The following TTN variants were observed in gnomAD, a reference collection of about 807,000 sequenced individuals.
The protein encoded by TTN is titin, also known as connectin.
In TTN, 1,525 loss-of-function variants were observed where a neutral mutation model predicts 3,223.0. The ratio of observed to expected loss-of-function variants is 0.47; its 90% CI spans 0.45 to 0.49. TTN has a LOEUF of 0.49. Ranked by LOEUF, TTN falls within the 20% of genes least tolerant of loss-of-function variation. The pLI is 0.00. For missense variants in TTN, 40,786 were observed against 43,424.0 expected (o/e 0.94, Z 5.40); for synonymous variants, 14,094 against 15,161.0 (o/e 0.93, Z 5.17).
At position 178,671,986 on chromosome 2, in the gene TTN, T is replaced by C. The variant is rs1553808816; in HGVS notation, c.35212A>G (p.Lys11738Glu). The change falls in exon 155 of 363, where the codon AAA becomes GAA. Residue 11738 changes from lysine (K) to glutamate (E), a missense_variant. Lys to Glu is a moderately conservative substitution (Grantham distance 56, BLOSUM62 1). Transcript: ENST00000589042. Reference protein sequence around the residue: ...AEEVEVFEKPKAPPKGPEISE... With the variant: ...AEEVEVFEKPEAPPKGPEISE... ...TTCCCTATACCTTTAGGTGGAGCTT[T>C]TGGTTTTTCAAATACTTCCACTTCT... 4 of 1,602,376 alleles carry C rather than the reference T, an allele frequency of 2.5e-6. No individual in the cohort carries two copies. Among genetic ancestry groups the C allele is most frequent in the Non-Finnish European group, 2.5e-6 (3 of 1,176,878 alleles).
In TTN at chr2:178,719,459, G is replaced by C. The variant is rs1009418783; in HGVS notation, c.23939-8C>G. The C allele has an allele frequency of 1.9e-6, 3 of 1,606,472 alleles. No homozygotes were observed. Among genetic ancestry groups the C allele is most frequent in the Non-Finnish European group, 2.6e-6 (3 of 1,175,136 alleles). ...AAGGAGGCACAATCCGATCTATGTG[G>C]GGAAGGGTAGTTTTGCGTTTAAAGA... On this transcript the variant is annotated splice_polypyrimidine_tract_variant and splice_region_variant and intron_variant, in intron 82 of 362. Transcript: ENST00000589042.
chr2:178,638,531 A>G (rs556139832), intron 223 of TTN, among the ~76,000 whole-genome samples: 53 of 150,634 alleles, frequency 3.5e-4, no homozygotes, highest in Admixed American at 2.6e-3. Flanking sequence ...TGCACATCTC[A>G]CTGTGGAATG....
Position 178,543,929 on chromosome 2 carries a change from A to C in TTN, c.96215T>G (p.Val32072Gly). 1 of 1,613,586 alleles carries C rather than the reference A, an allele frequency of 6.2e-7. No individual in the cohort carries two copies. Among genetic ancestry groups the C allele is most frequent in the East Asian group, 2.2e-5 (1 of 44,860 alleles). Residue 32072 changes from valine to glycine, a missense_variant, in exon 346 of 363, where the codon GTG becomes GGG. Coordinates refer to ENST00000589042, the MANE Select transcript of TTN (RefSeq NM_001267550.2). ...AGCATCGTACCGATTAACTTTGTCC[A>C]CTATTAGCAATGAGTAGCTCTCAGT... is the stretch of plus-strand genomic sequence containing the variant. ...DTTESYSLLI[V>G]DKVNRYDAGK...
Position 178,720,423 on chromosome 2 carries a change from A to T in TTN, c.23339T>A (p.Val7780Glu). The T allele has an allele frequency of 6.2e-7, 1 of 1,613,566 alleles. No homozygotes were observed. ...GEYHCKATNE[V>E]GSDTCSCSVK... ...AGAGCAAGAACACGTGTCACTTCCCACCTCATTAGTAGCTTTGCAGTGATA... is the reference window on the plus strand; with the variant it reads ...AGAGCAAGAACACGTGTCACTTCCCTCCTCATTAGTAGCTTTGCAGTGATA... Residue 7780 changes from valine (V) to glutamate (E), a missense_variant, in exon 80 of 363, where the codon GTG (valine) becomes GAG (glutamate). Val to Glu is a moderately radical substitution (Grantham distance 121). Transcript: ENST00000589042.
intron 8 of TTN, among the ~76,000 whole-genome samples, chr2:178,794,044 T>C: frequency 6.6e-6 from 1 of 152,202 alleles, no homozygotes; most frequent in East Asian, 1.9e-4. Flanking sequence ...TTCCCTGAAA[T>C]AGTAGTTTCC....
At chr2:178,787,622 C>T (rs1021345579) in intron 13 of TTN, among the ~76,000 whole-genome samples, 1 of 151,966 alleles carries the variant, frequency 6.6e-6, no homozygotes, top group African/African-American at 2.4e-5. Context: ...TTTATTTTAA[C>T]AATGATAAAA....
chr2:178,685,532 G>C lies in TTN; in HGVS notation c.32378C>G (p.Ala10793Gly), dbSNP rs1023513713. The change falls in exon 128 of 363, where the codon GCT becomes GGT. Residue 10793 changes from alanine to glycine, a missense_variant. Coordinates refer to ENST00000589042, the MANE Select transcript of TTN (RefSeq NM_001267550.2). ...AGTCAGCATACCTTCAGCTGGCTCA[G>C]CTTCCACTCTCTTAGAAATAATGTG... ...KLHIISKRVE[A>G]EPAEVTERQE... 6 of 1,613,120 alleles carry C rather than the reference G, an allele frequency of 3.7e-6. No homozygotes were observed. The highest frequency in any genetic ancestry group is 5.1e-6 in the Non-Finnish European group (6 of 1,179,526).
chr2:178,582,149 C>T lies in TTN; in HGVS notation c.66220G>A (p.Val22074Ile), dbSNP rs1156659564. ...ISNITKDHMT[V>I]SWKPPADDGG... The stretch of plus-strand genomic sequence containing the variant: ...TCATCTGCTGGTGGCTTCCAGCTGA[C>T]TGTCATGTGATCTTTGGTTATGTTG... Residue 22074 changes from valine to isoleucine, a missense_variant, in exon 315 of 363, where the codon GTC becomes ATC. Physicochemically the swap from Val to Ile is conservative, Grantham distance 29 (BLOSUM62 3). Coordinates refer to ENST00000589042, the MANE Select transcript of TTN (RefSeq NM_001267550.2). The T allele has an allele frequency of 3.7e-6, 6 of 1,612,622 alleles. No homozygotes were observed. Among genetic ancestry groups the T allele is most frequent in the Non-Finnish European group, 5.1e-6 (6 of 1,179,524 alleles).
In TTN at chr2:178,669,581, T is replaced by C; in HGVS notation, c.35470+11A>G. On this transcript the variant is annotated intron_variant, in intron 158 of 362. Coordinates refer to ENST00000589042, the MANE Select transcript of TTN (RefSeq NM_001267550.2). The stretch of plus-strand genomic sequence containing the variant: ...GAATTATTTCATGTTCTGATTAGCA[T>C]CACTGTATACCTTTAGCTGGTGGAA... 6.2e-7 allele frequency: 1 copy of C among 1,612,024 alleles called. No individual in the cohort carries two copies. The highest frequency in any genetic ancestry group is 1.1e-5 in the South Asian group (1 of 90,844).
intron 116 of TTN, 58 bp downstream of exon 116, chr2:178,694,771 A>G (rs1240126621): frequency 3.4e-6 from 5 of 1,490,628 alleles, no homozygotes; most frequent in Non-Finnish European, 3.7e-6. Context: ...TAATGTGAGT[A>G]TAGATCAGTA....
In TTN at chr2:178,630,377, C is replaced by G. The variant is rs1044877599; in HGVS notation, c.44155-10G>C. ...CCTTAATTTCACAATCCTGTACCAA[C>G]AAAACAGAAAAACTTTCATAGAAAA... is the stretch of plus-strand genomic sequence containing the variant. On this transcript the variant is annotated splice_polypyrimidine_tract_variant and intron_variant, in intron 238 of 362. Coordinates refer to ENST00000589042, the MANE Select transcript of TTN (RefSeq NM_001267550.2). The G allele has an allele frequency of 6.3e-7, 1 of 1,588,332 alleles. No individual in the cohort carries two copies. The highest frequency in any genetic ancestry group is 8.5e-7 in the Non-Finnish European group (1 of 1,173,122).
In TTN at chr2:178,558,642, G is replaced by A. The variant is rs762977562; in HGVS notation, c.86822-5C>T. The A allele has an allele frequency of 6.2e-7, 1 of 1,608,788 alleles. No homozygotes were observed. Among genetic ancestry groups the A allele is most frequent in the Non-Finnish European group, 8.5e-7 (1 of 1,178,998 alleles). On this transcript the variant is annotated splice_polypyrimidine_tract_variant and splice_region_variant and intron_variant, in intron 326 of 362. Coordinates refer to ENST00000589042, the MANE Select transcript of TTN (RefSeq NM_001267550.2). Reference sequence around the variant, plus strand: ...TTTCAGGTGGGCTTGGTTTTTCTAAGAAAACAAAGCATCAAAAGAAAGTGA... The same window carrying A: ...TTTCAGGTGGGCTTGGTTTTTCTAAAAAAACAAAGCATCAAAAGAAAGTGA...
rs1171508892 is a variant in TTN, at chr2:178,775,191, T to C, written c.6520A>G (p.Ile2174Val). The C allele has an allele frequency of 1.2e-6, 2 of 1,613,932 alleles. No homozygotes were observed. The highest frequency in any genetic ancestry group is 1.7e-5 in the Admixed American group (1 of 60,002). The change falls in exon 29 of 363, where the codon ATC (isoleucine) becomes GTC (valine). Residue 2174 changes from isoleucine (I) to valine (V), a missense_variant. Physicochemically the swap from Ile to Val is conservative, Grantham distance 29. Transcript: ENST00000589042. ...TCTTGTAATTCCTGTGTGAAAGTGA[T>C]CAATTGCTTGGCTACAAGAAAAAGG... is the stretch of plus-strand genomic sequence containing the variant. The part of the protein sequence containing the change: ...AFLLVQAKQL[I>V]TFTQELQDVV...
intron 219 of TTN, 144 bp downstream of exon 219, chr2:178,642,093 T>G: frequency 1.7e-6 from 1 of 597,208 alleles, no homozygotes; most frequent in East Asian, 3.3e-5. Context: ...GACATTTTTC[T>G]TAATTTTCAA....
At position 178,642,326 on chromosome 2, in the gene TTN, A is replaced by T. The variant is rs2061349402; in HGVS notation, c.40478-9T>A. 1 of 1,572,732 alleles carries T rather than the reference A, an allele frequency of 6.4e-7. No individual in the cohort carries two copies. The highest frequency in any genetic ancestry group is 1.4e-5 in the African/African-American group (1 of 73,768). On this transcript the variant is annotated splice_polypyrimidine_tract_variant and intron_variant, in intron 218 of 362. Coordinates refer to ENST00000589042, the MANE Select transcript of TTN (RefSeq NM_001267550.2). The stretch of plus-strand genomic sequence containing the variant: ...CTTTTCACCTCCAGGCACTTAAAAG[A>T]ATATGATTTCAAATTTTGAAGTGAA...
In TTN at chr2:178,790,040, C is replaced by T. The variant is rs765132835; in HGVS notation, c.1876G>A (p.Val626Ile). The change falls in exon 12 of 363, where the codon GTA (valine) becomes ATA (isoleucine). Residue 626 changes from valine to isoleucine, a missense_variant. Val to Ile is a conservative substitution (Grantham distance 29, BLOSUM62 3). Coordinates refer to ENST00000589042, the MANE Select transcript of TTN (RefSeq NM_001267550.2). ...ATPKVKEQDLVSRGREGITTK... is the reference protein window; with the variant it reads ...ATPKVKEQDLISRGREGITTK... Reference sequence around the variant, plus strand: ...GTAATGCCTTCTCTACCTCTTGATACTAAATCTTGTTCTTTGACTTTGGGT... The same window carrying T: ...GTAATGCCTTCTCTACCTCTTGATATTAAATCTTGTTCTTTGACTTTGGGT... 1 of 1,613,260 alleles carries T rather than the reference C, an allele frequency of 6.2e-7. No homozygotes were observed. The highest frequency in any genetic ancestry group is 1.1e-5 in the South Asian group (1 of 91,076).
At chr2:178,671,424 G>C (rs1056236377) in intron 155 of TTN, among the ~76,000 whole-genome samples, 4 of 151,614 alleles carry the variant, frequency 2.6e-5, no homozygotes, top group African/African-American at 9.7e-5. Context: ...GATCTAGAGT[G>C]GTATTGCAGA....
Position 178,565,649 on chromosome 2 carries a change from C to T in TTN, c.80483G>A (p.Ser26828Asn). 3 of 1,613,582 alleles carry T rather than the reference C, an allele frequency of 1.9e-6. No homozygotes were observed. Among genetic ancestry groups the T allele is most frequent in the South Asian group, 1.1e-5 (1 of 91,084 alleles). Residue 26828 changes from serine to asparagine, a missense_variant, in exon 326 of 363, where the codon AGC (serine) becomes AAC (asparagine). Coordinates refer to ENST00000589042, the MANE Select transcript of TTN (RefSeq NM_001267550.2). Reference protein sequence around the residue: ...EMQPKGTEKWSIVAESKVCNA... With the variant: ...EMQPKGTEKWNIVAESKVCNA... ...ACAGACTTTGGATTCAGCCACAATG[C>T]TCCATTTTTCAGTTCCTTTGGGCTG...
chr2:178,612,395 G>A lies in TTN; in HGVS notation c.50130C>T (p.Cys16710=). Residue 16710 remains cysteine, a synonymous_variant, in exon 266 of 363, where the codon TGC becomes TGT. Transcript: ENST00000589042. ...AGCCCTCAGTCAGTGGGGTGACTGT[G>A]CACTTGGTGTCCTTGACAGTGGTAT... is the stretch of plus-strand genomic sequence containing the variant. The part of the protein sequence containing the change: ...TVDTTVKDTK[C]TVTPLTEGSL... 6.2e-7 allele frequency: 1 copy of A among 1,612,552 alleles called. No individual in the cohort carries two copies. Among genetic ancestry groups the A allele is most frequent in the Non-Finnish European group, 8.5e-7 (1 of 1,179,212 alleles).
Sources: allele counts gnomAD v4.1 joint callset (sites outside exome capture counted in the v4.1 genomes callset), GRCh38; gene constraint gnomAD v4.1.1; transcripts MANE v1.5; gene names NCBI Gene and HGNC (gene_info 2026-07-23, HGNC 2026-07-21).